SLC4A4: variants seen among roughly 807,000 people sequenced by gnomAD.
SLC4A4 encodes solute carrier family 4 member 4.
In SLC4A4, 27 loss-of-function variants were observed where a neutral mutation model predicts 111.5. The observed-to-expected ratio is 0.24, with a 90% CI of 0.18 to 0.33. SLC4A4 has a LOEUF of 0.33. SLC4A4 is among the 10% of genes least tolerant of loss of function. The probability of loss-of-function intolerance (pLI) is 1.00; values close to 1 mark genes in which losing one functional copy is unlikely to be tolerated. For synonymous variants in SLC4A4, 443 were observed against 463.4 expected, an observed-to-expected ratio of 0.96 and a Z score of 0.57; for missense variants, 909 against 1,315.5, an observed-to-expected ratio of 0.69 and a Z score of 4.78.
chr4:71,100,274 C>A (rs533674297), intron 2 of SLC4A4, among the ~76,000 whole-genome samples: 3 of 152,148 alleles, frequency 2.0e-5, no homozygotes, highest in South Asian at 2.1e-4. Context: ...AGACTTCATA[C>A]CCAGGATGCA....
intron 7 of SLC4A4, among the ~76,000 whole-genome samples, chr4:71,412,760 T>G (rs1399120717): frequency 6.6e-6 from 1 of 152,192 alleles, no homozygotes; most frequent in Non-Finnish European, 1.5e-5. Context: ...GAGGTGACTC[T>G]GAATTAACTC....
intron 2 of SLC4A4, among the ~76,000 whole-genome samples, chr4:71,121,663 C>A (rs1232401997): frequency 3.3e-5 from 5 of 152,178 alleles, no homozygotes; most frequent in African/African-American, 1.2e-4. Context: ...AATCAGCACC[C>A]TGTCAAAACG....
At chr4:71,533,781 AT>A (rs1734153319) in intron 17 of SLC4A4, among the ~76,000 whole-genome samples, 2 of 152,114 alleles carry the variant, frequency 1.3e-5, no homozygotes, top group African/African-American at 4.8e-5. Context: ...GCTAAAACCC[AT>A]GAACAAAATT....
chr4:71,141,626 A>G (rs973595341), intron 2 of SLC4A4, among the ~76,000 whole-genome samples: 15 of 152,228 alleles, frequency 9.9e-5, no homozygotes, highest in Non-Finnish European at 1.6e-4. Flanking sequence ...CCACATGGCC[A>G]TAAATAAATA....
At chr4:71,122,792 A>G (rs972764912) in intron 2 of SLC4A4, among the ~76,000 whole-genome samples, 1 of 152,170 alleles carries the variant, frequency 6.6e-6, no homozygotes, top group Non-Finnish European at 1.5e-5. Flanking sequence ...AGTGAAATCC[A>G]TTGATTAAAA....
intron 1 of SLC4A4, among the ~76,000 whole-genome samples, chr4:71,074,141 A>C (rs1741746878): frequency 6.6e-6 from 1 of 152,178 alleles, no homozygotes; most frequent in Admixed American, 6.5e-5. Flanking sequence ...AACTTGATGG[A>C]ACTTTAAAAA....
In SLC4A4 at chr4:71,357,062, A is replaced by T; in HGVS notation, c.605A>T (p.Asp202Val). 6.2e-7 allele frequency: 1 copy of T among 1,614,148 alleles called. No homozygotes were observed. Among genetic ancestry groups the T allele is most frequent in the Non-Finnish European group, 8.5e-7 (1 of 1,180,002 alleles). ...GGCCTATTGAAACCTGAACTTAAGG[A>T]TAAGGTGACCTATACTTTGCTCCGG... ...ETGLLKPELKDKVTYTLLRKH... is the reference protein window; with the variant it reads ...ETGLLKPELKVKVTYTLLRKH... The change falls in exon 6 of 26, where the codon GAT (aspartate) becomes GTT (valine). Residue 202 changes from aspartate to valine, a missense_variant. By Grantham distance (152) the Asp-to-Val change is radical. This residue lies in a region of SLC4A4 where 312 missense variants were observed against 402.0 expected (regional missense o/e 0.78). Transcript: ENST00000264485.
At chr4:71,471,170 A>G (rs74914817) in intron 13 of SLC4A4, among the ~76,000 whole-genome samples, 1 of 152,068 alleles carries the variant, frequency 6.6e-6, no homozygotes, top group East Asian at 1.9e-4. Flanking sequence ...AGTGTCAGTA[A>G]CTGTCTCAGC....
At chr4:71,304,722 A>G (rs545181495) in intron 3 of SLC4A4, among the ~76,000 whole-genome samples, 1 of 152,222 alleles carries the variant, frequency 6.6e-6, no homozygotes, top group African/African-American at 2.4e-5. Context: ...TTCTGGGTCC[A>G]GATTCTCAAT....
At chr4:71,334,836 C>T (rs1021474941) in intron 3 of SLC4A4, among the ~76,000 whole-genome samples, 8 of 152,274 alleles carry the variant, frequency 5.3e-5, no homozygotes, top group Non-Finnish European at 1.0e-4. Flanking sequence ...TGCCAGACTA[C>T]AGAGTAATGC....
intron 2 of SLC4A4, among the ~76,000 whole-genome samples, chr4:71,246,595 A>G (rs1720673253): frequency 6.6e-6 from 1 of 152,198 alleles, no homozygotes; most frequent in Non-Finnish European, 1.5e-5. Flanking sequence ...ACATTGTCAT[A>G]TTTTGGAGCA....
At chr4:71,153,509 G>A (rs1744371857) in intron 2 of SLC4A4, among the ~76,000 whole-genome samples, 1 of 152,082 alleles carries the variant, frequency 6.6e-6, no homozygotes, top group Admixed American at 6.6e-5. Context: ...TCTGGCCATT[G>A]GCTAGTCGTT....
rs1474202794 is a variant in SLC4A4, at chr4:71,570,995, G to A, written c.*3244G>A. The A allele has an allele frequency of 6.6e-6, 1 of 152,154 alleles. No individual in the cohort carries two copies. Among genetic ancestry groups the A allele is most frequent in the Non-Finnish European group, 1.5e-5 (1 of 67,840 alleles). 9.4% of individuals were successfully genotyped at this position (152,154 alleles called of 1,614,324 possible). Reference sequence around the variant, plus strand: ...TCCTCAGCCTTCCACCTCCAAGAGAGGAGGAAAAACAGTTGTCTGCTGTCT... The same window carrying A: ...TCCTCAGCCTTCCACCTCCAAGAGAAGAGGAAAAACAGTTGTCTGCTGTCT... On this transcript the variant is annotated 3_prime_UTR_variant, in exon 26 of 26. Transcript: ENST00000264485.
intron 7 of SLC4A4, among the ~76,000 whole-genome samples, chr4:71,422,746 G>A (rs374996432): frequency 5.9e-5 from 9 of 151,892 alleles, no homozygotes; most frequent in African/African-American, 1.7e-4. Flanking sequence ...CCACATGATT[G>A]TCTCAATAGA....
chr4:71,550,906 A>G (rs1398431516), intron 20 of SLC4A4, among the ~76,000 whole-genome samples: 1 of 151,906 alleles, frequency 6.6e-6, no homozygotes, highest in Non-Finnish European at 1.5e-5. Context: ...TTACAGTTTT[A>G]AGTTCACGAG....
intron 18 of SLC4A4, among the ~76,000 whole-genome samples, chr4:71,536,830 T>C (rs2149218202): frequency 1.3e-5 from 2 of 151,950 alleles, no homozygotes; most frequent in South Asian, 4.2e-4. Context: ...GTGCTTCCTT[T>C]AAATTGGCCA....
intron 6 of SLC4A4, among the ~76,000 whole-genome samples, chr4:71,368,837 A>T (rs1470651039): frequency 6.6e-6 from 1 of 152,082 alleles, no homozygotes; most frequent in Non-Finnish European, 1.5e-5. Flanking sequence ...AGACTTTTTC[A>T]TTCTTTGTGG....
rs149414365 is a variant in SLC4A4 at position 71,555,160 on chromosome 4, C to G, written c.2715C>G (p.Leu905=). ...TCTAGTTTATACCCATGCCTGTACT[C>G]TATGGTGTGTTCCTGTATATGGGAG... ...PILKFIPMPV[L]YGVFLYMGVA... Residue 905 remains leucine, a synonymous_variant, in exon 21 of 26, where the codon CTC becomes CTG. Coordinates refer to ENST00000264485, the MANE Select transcript of SLC4A4 (RefSeq NM_001098484.3). The G allele has an allele frequency of 2.4e-5, 38 of 1,609,844 alleles. No individual in the cohort carries two copies. The African/African-American group carries it at 3.1e-4, about 13-fold the overall frequency.
intron 13 of SLC4A4, among the ~76,000 whole-genome samples, chr4:71,469,780 G>C (rs1727697155): frequency 2.0e-5 from 3 of 151,794 alleles, no homozygotes; most frequent in African/African-American, 4.8e-5. Context: ...TGGTTTTATT[G>C]ACTTTATTTG....
Sources: gnomAD v4.1 joint callset for allele counts (sites outside exome capture counted in the v4.1 genomes callset) on GRCh38, gnomAD v4.1.1 for gene constraint, gnomAD v4.1.1 regional missense constraint, MANE v1.5 for transcripts, NCBI Gene and HGNC (gene_info 2026-07-23, HGNC 2026-07-21) for gene names.